The following OPCML variants were observed in gnomAD, a reference collection of about 807,000 sequenced individuals.
The protein encoded by OPCML is opioid-binding protein/cell adhesion molecule.
Under a neutral mutation model 37.8 loss-of-function variants are expected in OPCML, and 13 were observed. The observed-to-expected ratio is 0.34, with a 90% CI of 0.22 to 0.55. OPCML has a LOEUF of 0.55. Among genes scored for constraint, OPCML ranks in the 20% least tolerant of loss-of-function variants. OPCML has a pLI of 0.91. For synonymous variants in OPCML, 176 were observed against 168.8 expected, an observed-to-expected ratio of 1.04 and a Z score of -0.33; for missense variants, 341 against 435.6, an observed-to-expected ratio of 0.78 and a Z score of 1.93.
intron 2 of OPCML, among the ~76,000 whole-genome samples, chr11:132,695,044 C>G (rs949990484): frequency 6.6e-6 from 1 of 152,242 alleles, no homozygotes; most frequent in Non-Finnish European, 1.5e-5. Context: ...GGTTCAAACA[C>G]AGCATGTGCG....
intron 4 of OPCML, among the ~76,000 whole-genome samples, chr11:132,490,358 C>T (rs1031111507): frequency 6.6e-6 from 1 of 151,974 alleles, no homozygotes; most frequent in African/African-American, 2.4e-5. Context: ...TTCACTGGAA[C>T]TGCCATTGAG....
intron 1 of OPCML, among the ~76,000 whole-genome samples, chr11:133,516,459 C>A (rs1948274785): frequency 6.6e-6 from 1 of 152,206 alleles, no homozygotes; most frequent in Non-Finnish European, 1.5e-5. Flanking sequence ...GGCTGGACTC[C>A]AGTCACTTCA....
chr11:132,554,863 GTTT>G (rs5795789), intron 3 of OPCML, among the ~76,000 whole-genome samples: 2 of 64,008 alleles, frequency 3.1e-5, no homozygotes, highest in Non-Finnish European at 2.7e-5. Flanking sequence ...ATGGGGTAAA[GTTT>G]TTTTTTTTTT....
At chr11:133,145,285 A>G (rs1012149421) in intron 1 of OPCML, among the ~76,000 whole-genome samples, 2 of 152,202 alleles carry the variant, frequency 1.3e-5, no homozygotes, top group Non-Finnish European at 2.9e-5. Flanking sequence ...GCCATATCAC[A>G]GGACATTTAC....
chr11:133,288,925 T>C (rs1417638070), intron 1 of OPCML, among the ~76,000 whole-genome samples: 2 of 151,994 alleles, frequency 1.3e-5, no homozygotes, highest in Non-Finnish European at 1.5e-5. Context: ...GAGGGGATGA[T>C]AAGAAGCAAG....
At chr11:133,190,398 C>A (rs1399389171) in intron 1 of OPCML, among the ~76,000 whole-genome samples, 2 of 152,148 alleles carry the variant, frequency 1.3e-5, no homozygotes, top group African/African-American at 2.4e-5. Context: ...ACCATGAATT[C>A]CTGTTGCTCT....
At chr11:132,881,517 T>C (rs189742864) in intron 2 of OPCML, among the ~76,000 whole-genome samples, 366 of 152,298 alleles carry the variant, frequency 2.4e-3, no homozygotes, top group African/African-American at 8.4e-3. Context: ...AGGAGGCCTC[T>C]CTGATACATG....
chr11:133,509,886 G>T (rs76126274), intron 1 of OPCML, among the ~76,000 whole-genome samples: 10,447 of 152,170 alleles, frequency 0.069, 1,208 homozygotes, highest in African/African-American at 0.24. Context: ...CACCACCTCT[G>T]GGGTGTCTCT....
At chr11:132,577,981 A>C (rs969243353) in intron 3 of OPCML, among the ~76,000 whole-genome samples, 4 of 152,214 alleles carry the variant, frequency 2.6e-5, no homozygotes, top group African/African-American at 7.2e-5. Context: ...CTTAGAGCCC[A>C]ACAGGTTACT....
chr11:132,872,835 A>G (rs1217281784), intron 2 of OPCML, among the ~76,000 whole-genome samples: 1 of 151,538 alleles, frequency 6.6e-6, no homozygotes, highest in Non-Finnish European at 1.5e-5. Context: ...TTTTCCTGTC[A>G]TGCCACCTTG....
At chr11:132,480,245 A>C (rs1263114195) in intron 4 of OPCML, among the ~76,000 whole-genome samples, 1 of 152,234 alleles carries the variant, frequency 6.6e-6, no homozygotes, top group Non-Finnish European at 1.5e-5. Context: ...GAGCCGATGC[A>C]ATCAACTGGT....
chr11:132,541,302 C>CT (rs2096355889), intron 3 of OPCML, among the ~76,000 whole-genome samples: 1 of 152,120 alleles, frequency 6.6e-6, no homozygotes, highest in South Asian at 2.1e-4. Context: ...TTACAACAAC[C>CT]TGAGCTCCCT....
At position 133,306,394 on chromosome 11, in the gene OPCML, GA is replaced by G. The variant is rs1942918212; in HGVS notation, c.61+225869del. Among the ~76,000 whole-genome samples, 6 of 152,284 alleles carry G rather than the reference GA, an allele frequency of 3.9e-5. No individual in the cohort carries two copies. In the South Asian group the frequency reaches 1.0e-3, roughly 26 times the overall value. On this transcript the variant is annotated intron_variant, in intron 1 of 7. Coordinates refer to ENST00000524381, the MANE Select transcript of OPCML (RefSeq NM_001012393.5). ...GTCATAACCAAATATACTATTTTAAGAATACTATGGTGCTTAATTTTGAATA... is the reference window on the plus strand; with the variant it reads ...GTCATAACCAAATATACTATTTTAAGATACTATGGTGCTTAATTTTGAATA...
intron 1 of OPCML, among the ~76,000 whole-genome samples, chr11:133,134,328 A>T (rs1424096380): frequency 6.6e-6 from 1 of 152,108 alleles, no homozygotes; most frequent in Non-Finnish European, 1.5e-5. Context: ...GCATCTACAA[A>T]ATGAAATCCA....
chr11:132,852,917 A>T (rs906115888), intron 2 of OPCML, among the ~76,000 whole-genome samples: 1 of 151,950 alleles, frequency 6.6e-6, no homozygotes, highest in Non-Finnish European at 1.5e-5. Context: ...AAAAAAAAAA[A>T]AAGAAGAAGA....
intron 1 of OPCML, among the ~76,000 whole-genome samples, chr11:133,207,290 A>T (rs1347626825): frequency 6.6e-6 from 1 of 152,028 alleles, no homozygotes; most frequent in Non-Finnish European, 1.5e-5. Flanking sequence ...ACAGAGTGAG[A>T]CTCCATCTCA....
intron 1 of OPCML, chr11:133,068,125 A>G (rs1948467590): frequency 6.6e-6 from 1 of 152,232 alleles, no homozygotes; most frequent in Non-Finnish European, 1.5e-5. Context: ...TTAAAGCAGC[A>G]AAGATTGATA....
chr11:132,851,871 G>A (rs1271838904), intron 2 of OPCML, among the ~76,000 whole-genome samples: 2 of 152,170 alleles, frequency 1.3e-5, no homozygotes, highest in Non-Finnish European at 2.9e-5. Context: ...AGAACGCGAT[G>A]TGAGGGAAGA....
chr11:133,070,612 G>A (rs1406062124), intron 1 of OPCML, among the ~76,000 whole-genome samples: 8 of 152,168 alleles, frequency 5.3e-5, no homozygotes, highest in Non-Finnish European at 1.0e-4. Context: ...TTCCAAAGAA[G>A]GTGCAACTGA....
Sources: allele counts gnomAD v4.1 joint callset (sites outside exome capture counted in the v4.1 genomes callset), GRCh38; gene constraint gnomAD v4.1.1; transcripts MANE v1.5; gene names NCBI Gene and HGNC (gene_info 2026-07-23, HGNC 2026-07-21).